Variants in SYNPO2 observed in about 807,000 individuals in gnomAD.
SYNPO2 encodes synaptopodin-2.
Under a neutral mutation model 85.0 loss-of-function variants are expected in SYNPO2, and 56 were observed. That is an observed-to-expected ratio of 0.66 (90% CI 0.53 to 0.82). The LOEUF is 0.82. SYNPO2 is among the 40% of genes least tolerant of loss of function. SYNPO2 has a pLI of 0.00. For synonymous variants in SYNPO2, 602 were observed against 591.1 expected (o/e 1.02, Z -0.27); for missense variants, 1,575 against 1,534.2 (o/e 1.03, Z -0.44).
intron 1 of SYNPO2, among the ~76,000 whole-genome samples, chr4:118,914,616 A>T (rs1733250423): frequency 1.3e-5 from 2 of 152,130 alleles, no homozygotes; most frequent in Non-Finnish European, 2.9e-5. Context: ...ATTTCTCAAT[A>T]AAATGATAGG....
intron 1 of SYNPO2, among the ~76,000 whole-genome samples, chr4:118,945,932 G>A (rs1325223650): frequency 6.6e-6 from 1 of 152,070 alleles, no homozygotes; most frequent in Non-Finnish European, 1.5e-5. Context: ...TGTTTGTAGA[G>A]TAGGGGTTTC....
chr4:119,057,835 T>A lies in SYNPO2; in HGVS notation c.3687T>A (p.Asp1229Glu). 6.2e-7 allele frequency: 1 copy of A among 1,614,100 alleles called. No homozygotes were observed. The highest frequency in any genetic ancestry group is 8.5e-7 in the Non-Finnish European group (1 of 1,180,014). Residue 1229 changes from aspartate (D) to glutamate (E), a missense_variant, in exon 5 of 5, where the codon GAT becomes GAA. By Grantham distance (45) the Asp-to-Glu change is conservative. Around this residue, in one of 3 missense-constraint regions of SYNPO2, gnomAD observed 1,508 missense variants for 1,446.8 expected, o/e 1.04. Transcript: ENST00000307142. ...ATTATAGGCAGGCTTCAAGAAATGA[T>A]TCTGCAATCATGTCCATGGAAACCA... ...YAYYRQASRN[D>E]SAIMSMETRS...
chr4:119,000,607 C>T (rs984739537), intron 1 of SYNPO2, among the ~76,000 whole-genome samples: 1 of 152,130 alleles, frequency 6.6e-6, no homozygotes, highest in Non-Finnish European at 1.5e-5. Flanking sequence ...TGGCATGGTG[C>T]TGAAATGTTG....
intron 1 of SYNPO2, among the ~76,000 whole-genome samples, chr4:118,961,112 C>T (rs1225215672): frequency 8.6e-6 from 1 of 115,664 alleles, no homozygotes; most frequent in African/African-American, 3.3e-5. Context: ...CCCCCCCCAC[C>T]CCTCCAGGGA....
At chr4:118,919,131 T>C (rs1022693912) in intron 1 of SYNPO2, among the ~76,000 whole-genome samples, 4 of 152,184 alleles carry the variant, frequency 2.6e-5, no homozygotes, top group African/African-American at 9.6e-5. Flanking sequence ...AAAATACTCA[T>C]TGAATATTTA....
intron 1 of SYNPO2, among the ~76,000 whole-genome samples, chr4:118,970,322 G>C (rs999468818): frequency 1.3e-5 from 2 of 152,092 alleles, no homozygotes; most frequent in Admixed American, 1.3e-4. Context: ...ATGTTTTATT[G>C]AGAAATTTCC....
intron 1 of SYNPO2, among the ~76,000 whole-genome samples, chr4:118,916,084 AC>A (rs1402247078): frequency 6.6e-6 from 1 of 151,718 alleles, no homozygotes; most frequent in Non-Finnish European, 1.5e-5. Flanking sequence ...ATGGTGAATG[AC>A]CTTTCTATAT....
intron 1 of SYNPO2, among the ~76,000 whole-genome samples, chr4:118,982,863 G>T (rs1037328729): frequency 3.9e-5 from 6 of 152,126 alleles, no homozygotes; most frequent in African/African-American, 1.2e-4. Flanking sequence ...GTCCAAAGAG[G>T]TCAAACTCTT....
At chr4:118,921,280 A>G (rs1733522911) in intron 1 of SYNPO2, among the ~76,000 whole-genome samples, 1 of 151,870 alleles carries the variant, frequency 6.6e-6, no homozygotes, top group East Asian at 1.9e-4. Flanking sequence ...CTGTCTTCTC[A>G]CTCTACATGC....
chr4:118,971,550 AT>A (rs1735541832), intron 1 of SYNPO2, among the ~76,000 whole-genome samples: 1 of 152,256 alleles, frequency 6.6e-6, no homozygotes, highest in African/African-American at 2.4e-5. Flanking sequence ...ATTAAAGCCA[AT>A]GGGTCTCCAG....
At chr4:119,037,293 C>A in intron 4 of SYNPO2, 1 of 1,298,566 alleles carries the variant, frequency 7.7e-7, no homozygotes, top group Non-Finnish European at 9.8e-7. Context: ...ATGGTTTGTT[C>A]ATGAAAAAAA....
At chr4:118,938,409 T>C (rs1445499492) in intron 1 of SYNPO2, among the ~76,000 whole-genome samples, 1 of 152,192 alleles carries the variant, frequency 6.6e-6, no homozygotes, top group Non-Finnish European at 1.5e-5. Context: ...GTTGGGTTTT[T>C]CCCAAATATT....
intron 1 of SYNPO2, among the ~76,000 whole-genome samples, chr4:118,868,338 T>C (rs1488861770): frequency 6.6e-6 from 1 of 152,156 alleles, no homozygotes; most frequent in Admixed American, 6.5e-5. Context: ...GAATTAAATT[T>C]TCTTATAATA....
At chr4:118,958,408 C>A (rs1734955490) in intron 1 of SYNPO2, among the ~76,000 whole-genome samples, 2 of 152,108 alleles carry the variant, frequency 1.3e-5, no homozygotes, top group African/African-American at 4.8e-5. Flanking sequence ...CAGCTTTGTA[C>A]ACCAAGTTAA....
At chr4:118,855,016 G>C (rs1731480191) in intron 1 of SYNPO2, among the ~76,000 whole-genome samples, 1 of 151,906 alleles carries the variant, frequency 6.6e-6, no homozygotes, top group Non-Finnish European at 1.5e-5. Flanking sequence ...AATCAAAACT[G>C]TCAGTAAATA....
intron 4 of SYNPO2, among the ~76,000 whole-genome samples, chr4:119,046,953 A>G (rs1320843224): frequency 6.6e-6 from 1 of 152,274 alleles, no homozygotes; most frequent in African/African-American, 2.4e-5. Context: ...AAGTTAATCT[A>G]AGATGACTGG....
upstream of SYNPO2, among the ~76,000 whole-genome samples, chr4:118,888,034 C>A (rs1343388541): frequency 6.6e-6 from 1 of 152,002 alleles, no homozygotes; most frequent in African/African-American, 2.4e-5. Flanking sequence ...ACAAAATCTG[C>A]TTTTATATTG....
intron 1 of SYNPO2, among the ~76,000 whole-genome samples, chr4:118,953,638 A>C (rs1448781778): frequency 2.0e-5 from 3 of 151,852 alleles, no homozygotes; most frequent in Non-Finnish European, 4.4e-5. Context: ...TCAGAATTGC[A>C]CACACCATGA....
chr4:119,023,271 C>A (rs990310126), intron 1 of SYNPO2, among the ~76,000 whole-genome samples, 159 bp from the exon 2 acceptor site: 1 of 152,024 alleles, frequency 6.6e-6, no homozygotes. Flanking sequence ...TGTGTGTGTT[C>A]ATAAGGTGGT....
Sources: allele counts gnomAD v4.1 joint callset (sites outside exome capture counted in the v4.1 genomes callset), GRCh38; gene constraint gnomAD v4.1.1; regional missense constraint gnomAD v4.1.1; transcripts MANE v1.5; gene names NCBI Gene and HGNC (gene_info 2026-07-23, HGNC 2026-07-21).